Variants in GRIN3A observed in about 807,000 individuals in gnomAD.
The protein encoded by GRIN3A is glutamate ionotropic receptor NMDA type subunit 3A.
Under a neutral mutation model 92.4 loss-of-function variants are expected in GRIN3A, and 47 were observed. That is an observed-to-expected ratio of 0.51 (90% CI 0.40 to 0.65). The LOEUF is 0.65. GRIN3A is among the 30% of genes least tolerant of loss of function. The pLI is 0.00. For synonymous variants in GRIN3A, 527 were observed against 540.6 expected, an observed-to-expected ratio of 0.97 and a Z score of 0.35; for missense variants, 1,324 against 1,393.1, an observed-to-expected ratio of 0.95 and a Z score of 0.79.
intron 2 of GRIN3A, among the ~76,000 whole-genome samples, chr9:101,678,988 G>T (rs990020965): frequency 6.6e-6 from 1 of 152,124 alleles, no homozygotes; most frequent in Non-Finnish European, 1.5e-5. Context: ...CCCTTGAACT[G>T]TTCCTGGTCA....
chr9:101,603,188 G>A (rs189232097), intron 6 of GRIN3A, among the ~76,000 whole-genome samples: 6 of 152,236 alleles, frequency 3.9e-5, no homozygotes, highest in Admixed American at 2.0e-4. Context: ...TGTTTATCTC[G>A]GAGTTAGAAG....
At chr9:101,644,838 G>A (rs1190466421) in intron 3 of GRIN3A, among the ~76,000 whole-genome samples, 2 of 151,802 alleles carry the variant, frequency 1.3e-5, no homozygotes, top group Non-Finnish European at 2.9e-5. Context: ...CTGGGGCAGA[G>A]CTTGTTATTT....
chr9:101,624,109 A>G (rs1828596118), intron 4 of GRIN3A, among the ~76,000 whole-genome samples: 1 of 152,226 alleles, frequency 6.6e-6, no homozygotes, highest in Non-Finnish European at 1.5e-5. Context: ...GAACAGTTTC[A>G]GAAAAGCTCT....
intron 2 of GRIN3A, among the ~76,000 whole-genome samples, chr9:101,673,115 C>T (rs1402021359): frequency 6.6e-6 from 1 of 151,998 alleles, no homozygotes; most frequent in Admixed American, 6.6e-5. Flanking sequence ...GAAAGAGGAA[C>T]CCTTCATTAT....
chr9:101,674,509 T>C (rs373485672), intron 2 of GRIN3A, among the ~76,000 whole-genome samples: 1 of 152,102 alleles, frequency 6.6e-6, no homozygotes. Context: ...GGGCCAAATG[T>C]ACAGGGTTGC....
At chr9:101,601,700 C>T (rs950011648) in intron 6 of GRIN3A, among the ~76,000 whole-genome samples, 2 of 152,118 alleles carry the variant, frequency 1.3e-5, no homozygotes, top group African/African-American at 2.4e-5. Flanking sequence ...CTTTGGCCTT[C>T]CTGACTTGCA....
chr9:101,685,076 G>A (rs997750603), intron 2 of GRIN3A, among the ~76,000 whole-genome samples: 1 of 152,040 alleles, frequency 6.6e-6, no homozygotes, highest in African/African-American at 2.4e-5. Context: ...AAGTTCAGAT[G>A]ATGATAGAAC....
intron 3 of GRIN3A, among the ~76,000 whole-genome samples, chr9:101,637,115 C>G (rs1374671379): frequency 6.6e-6 from 1 of 151,614 alleles, no homozygotes; most frequent in Non-Finnish European, 1.5e-5. Flanking sequence ...TTTTTTGAGA[C>G]AGAGTCTCGC....
At chr9:101,654,322 A>T (rs1231718173) in intron 3 of GRIN3A, among the ~76,000 whole-genome samples, 1 of 151,364 alleles carries the variant, frequency 6.6e-6, no homozygotes, top group Non-Finnish European at 1.5e-5. Context: ...TCAAATATAC[A>T]TAAGTACTAT....
chr9:101,576,934 A>T (rs767904682), intron 8 of GRIN3A, among the ~76,000 whole-genome samples: 10 of 152,158 alleles, frequency 6.6e-5, no homozygotes, highest in Non-Finnish European at 1.3e-4. Flanking sequence ...GTGTGCCCTC[A>T]TCTGAGGCCT....
intron 3 of GRIN3A, among the ~76,000 whole-genome samples, chr9:101,667,281 A>G (rs1305695642): frequency 1.3e-5 from 2 of 151,926 alleles, no homozygotes; most frequent in Admixed American, 1.3e-4. Context: ...GGTAATATAA[A>G]GTATTACCTC....
At chr9:101,657,327 T>C (rs1275901746) in intron 3 of GRIN3A, among the ~76,000 whole-genome samples, 1 of 151,998 alleles carries the variant, frequency 6.6e-6, no homozygotes, top group Non-Finnish European at 1.5e-5. Context: ...ACTTTTTAAT[T>C]TGATAATTCA....
intron 6 of GRIN3A, among the ~76,000 whole-genome samples, chr9:101,603,310 A>G (rs901875721): frequency 5.3e-5 from 8 of 152,182 alleles, no homozygotes; most frequent in Non-Finnish European, 2.9e-5. Flanking sequence ...TTCACCAAAT[A>G]TATGTATTTT....
At position 101,737,753 on chromosome 9, in the gene GRIN3A, G is replaced by A. The variant is rs1156422890; in HGVS notation, c.227C>T (p.Ala76Val). Residue 76 changes from alanine (A) to valine (V), a missense_variant, in exon 1 of 9, where the codon GCC becomes GTC. Coordinates refer to ENST00000361820, the MANE Select transcript of GRIN3A (RefSeq NM_133445.3). ...CCCTGGCTCCGGCTCATCCCTCTGG[G>A]CTCCTGCTCGGCTGTCGTCCGGAGC... ...SRAPDDSRAG[A>V]QRDEPEPGTR... is the part of the protein sequence containing the mutation. 4.6e-6 allele frequency: 7 copies of A among 1,529,222 alleles called. No individual in the cohort carries two copies. The highest frequency in any genetic ancestry group is 2.0e-5 in the Admixed American group (1 of 50,538). 94.7% of individuals were successfully genotyped at this position (1,529,222 alleles called of 1,614,324 possible). A position where few individuals can be genotyped will look rare whatever the true frequency, so the allele number is the denominator to read the frequency against.
chr9:101,634,135 C>A (rs1307318750), intron 3 of GRIN3A, among the ~76,000 whole-genome samples: 1 of 151,884 alleles, frequency 6.6e-6, no homozygotes, highest in Admixed American at 6.6e-5. Flanking sequence ...AGATCGAGAC[C>A]ATCCTGGCTA....
chr9:101,646,191 T>C (rs1828935032), intron 3 of GRIN3A, among the ~76,000 whole-genome samples: 1 of 151,896 alleles, frequency 6.6e-6, no homozygotes, highest in South Asian at 2.1e-4. Flanking sequence ...TTTCTAGTAG[T>C]TTCATAGTTT....
chr9:101,655,606 T>G (rs888416247), intron 3 of GRIN3A, among the ~76,000 whole-genome samples: 9 of 151,924 alleles, frequency 5.9e-5, no homozygotes, highest in African/African-American at 1.9e-4. Flanking sequence ...TTATGATGGA[T>G]CTGAAATTAA....
intron 5 of GRIN3A, among the ~76,000 whole-genome samples, chr9:101,621,325 A>G (rs1828551867): frequency 1.3e-5 from 2 of 151,974 alleles, no homozygotes; most frequent in Admixed American, 6.6e-5. Context: ...TATTTTTAAG[A>G]AAAGTAGCAA....
At chr9:101,574,619 C>T (rs2118776472) in intron 8 of GRIN3A, among the ~76,000 whole-genome samples, 1 of 152,184 alleles carries the variant, frequency 6.6e-6, no homozygotes, top group Non-Finnish European at 1.5e-5. Context: ...GGCCATAAAC[C>T]TTCTTTTCTC....
Sources: allele counts gnomAD v4.1 joint callset (sites outside exome capture counted in the v4.1 genomes callset), GRCh38; gene constraint gnomAD v4.1.1; transcripts MANE v1.5; gene names NCBI Gene and HGNC (gene_info 2026-07-23, HGNC 2026-07-21).